Variants in WDR70 observed in about 807,000 individuals in gnomAD.
WDR70 encodes the protein WD repeat-containing protein 70.
A neutral mutation model predicts 88.6 loss-of-function variants in WDR70; 53 were observed. The observed-to-expected ratio is 0.60, with a 90% CI of 0.48 to 0.75. The LOEUF (loss-of-function observed/expected upper bound fraction) is 0.75. Ranked by LOEUF, WDR70 falls within the 30% of genes least tolerant of loss-of-function variation. The probability of loss-of-function intolerance (pLI) is 0.00; values close to 1 mark genes in which losing one functional copy is unlikely to be tolerated. For missense variants in WDR70, 610 were observed against 823.2 expected (o/e 0.74, Z 3.17); for synonymous variants, 280 against 270.0 (o/e 1.04, Z -0.36).
In WDR70 at chr5:37,649,733, C is replaced by CTTCTTTTTTTT. The variant is rs1384336784; in HGVS notation, c.1092+44497_1092+44498insCTTTTTTTTTT. 2.0e-3 allele frequency among the ~76,000 whole-genome samples: 140 copies of CTTCTTTTTTTT among 68,738 alleles called. 1 individual carries two copies. The highest frequency in any genetic ancestry group is 6.9e-3 in the African/African-American group (108 of 15,614). 45.1% of individuals were successfully genotyped at this position (68,738 alleles called of 152,430 possible). On this transcript the variant is annotated intron_variant, in intron 10 of 17. Transcript: ENST00000265107. The stretch of plus-strand genomic sequence containing the variant: ...ATATACATTCACGATGTTATTACTT[C>CTTCTTTTTTTT]TTTTTTTTTTTTTTTTTTTTTTGAG...
At chr5:37,750,630 G>A (rs1748776984) in intron 17 of WDR70, among the ~76,000 whole-genome samples, 1 of 152,168 alleles carries the variant, frequency 6.6e-6, no homozygotes, top group Non-Finnish European at 1.5e-5. Flanking sequence ...GACCTAGTGG[G>A]AAGTAATTTC....
At chr5:37,441,484 A>C (rs1750651661) in intron 6 of WDR70, among the ~76,000 whole-genome samples, 1 of 152,136 alleles carries the variant, frequency 6.6e-6, no homozygotes, top group South Asian at 2.1e-4. Flanking sequence ...TTTCAAGTCT[A>C]TTTATTAGGA....
intron 9 of WDR70, among the ~76,000 whole-genome samples, chr5:37,530,165 C>T (rs1325073530): frequency 6.6e-6 from 1 of 152,094 alleles, no homozygotes; most frequent in Non-Finnish European, 1.5e-5. Context: ...GTATGAAACC[C>T]ACTTGATCAT....
intron 9 of WDR70, among the ~76,000 whole-genome samples, chr5:37,542,433 C>T (rs1178279657): frequency 1.3e-5 from 2 of 152,008 alleles, no homozygotes; most frequent in African/African-American, 4.8e-5. Context: ...GCATGCACCA[C>T]CATGCCCGGC....
chr5:37,630,974 T>C (rs1744797544), intron 10 of WDR70, among the ~76,000 whole-genome samples: 1 of 152,184 alleles, frequency 6.6e-6, no homozygotes, highest in Non-Finnish European at 1.5e-5. Flanking sequence ...TTTGAAGGAC[T>C]GTAGGCATTT....
At chr5:37,482,852 T>C (rs1328020195) in intron 8 of WDR70, among the ~76,000 whole-genome samples, 1 of 152,114 alleles carries the variant, frequency 6.6e-6, no homozygotes, top group Non-Finnish European at 1.5e-5. Flanking sequence ...GGAAACATTC[T>C]ACTTAGCTAA....
At chr5:37,396,186 T>G (rs1410221550) in intron 4 of WDR70, among the ~76,000 whole-genome samples, 189 bp from the exon 5 acceptor site, 2 of 3,562 alleles carry the variant, frequency 5.6e-4, no homozygotes, top group African/African-American at 6.5e-4. Flanking sequence ...CGTAAGACGG[T>G]TTTTTTTAAC....
chr5:37,461,429 T>C (rs971208370), intron 7 of WDR70, among the ~76,000 whole-genome samples: 1 of 152,062 alleles, frequency 6.6e-6, no homozygotes, highest in African/African-American at 2.4e-5. Context: ...GTAATCCTTG[T>C]GTGTGTGTTG....
intron 10 of WDR70, among the ~76,000 whole-genome samples, chr5:37,641,658 C>T (rs1014818233): frequency 1.3e-5 from 2 of 152,040 alleles, no homozygotes; most frequent in African/African-American, 4.8e-5. Context: ...CTTAGGTGAT[C>T]TGTTTGCCTC....
intron 5 of WDR70, among the ~76,000 whole-genome samples, chr5:37,403,961 G>C (rs551546345): frequency 9.6e-4 from 146 of 152,152 alleles, no homozygotes; most frequent in Middle Eastern, 3.4e-3. Flanking sequence ...GTGTGGCCTT[G>C]AACTCTTGGC....
intron 10 of WDR70, among the ~76,000 whole-genome samples, chr5:37,678,078 T>A (rs1194254685): frequency 2.0e-5 from 3 of 152,162 alleles, no homozygotes; most frequent in Non-Finnish European, 4.4e-5. Flanking sequence ...GTTTTCCATT[T>A]GCTTGGTAGA....
chr5:37,748,079 A>G (rs887799987), intron 17 of WDR70, among the ~76,000 whole-genome samples: 1 of 152,232 alleles, frequency 6.6e-6, no homozygotes, highest in African/African-American at 2.4e-5. Flanking sequence ...TAATTTATAG[A>G]TTCAATGCTA....
intron 8 of WDR70, among the ~76,000 whole-genome samples, chr5:37,504,068 A>G (rs79834789): frequency 0.17 from 25,148 of 152,108 alleles, 2,205 homozygotes; most frequent in South Asian, 0.27. Flanking sequence ...TTCTGGATTC[A>G]GGGCTGTCAT....
chr5:37,516,781 G>A (rs1207303278), intron 9 of WDR70, among the ~76,000 whole-genome samples, 191 bp downstream of exon 9: 1 of 148,954 alleles, frequency 6.7e-6, no homozygotes, highest in South Asian at 2.1e-4. Context: ...GAGTGCAGTG[G>A]TACGATCTTG....
chr5:37,421,933 G>T (rs1429454361), intron 5 of WDR70, among the ~76,000 whole-genome samples: 1 of 151,700 alleles, frequency 6.6e-6, no homozygotes, highest in East Asian at 1.9e-4. Context: ...CTTCTCCTTG[G>T]GGTGGGAGTG....
intron 10 of WDR70, among the ~76,000 whole-genome samples, chr5:37,663,237 G>A (rs1336974826): frequency 3.9e-5 from 6 of 152,148 alleles, no homozygotes; most frequent in Non-Finnish European, 8.8e-5. Flanking sequence ...GCATTATACT[G>A]ACTGCGGTTT....
chr5:37,624,165 TTTTG>T (rs1173788007), intron 10 of WDR70, among the ~76,000 whole-genome samples: 2 of 152,216 alleles, frequency 1.3e-5, no homozygotes, highest in Non-Finnish European at 2.9e-5. Flanking sequence ...CTAGCTATAA[TTTTG>T]TTTATCTGTT....
intron 9 of WDR70, among the ~76,000 whole-genome samples, chr5:37,556,908 G>T (rs1742307696): frequency 6.6e-6 from 1 of 152,162 alleles, no homozygotes. Flanking sequence ...TAAATAACTA[G>T]GTTGAGCCTC....
chr5:37,656,779 T>C (rs971954061), intron 10 of WDR70, among the ~76,000 whole-genome samples: 8 of 152,166 alleles, frequency 5.3e-5, no homozygotes, highest in African/African-American at 1.4e-4. Context: ...GCCTCAATAA[T>C]GGAGGATGCC....
Sources: allele counts gnomAD v4.1 joint callset (sites outside exome capture counted in the v4.1 genomes callset), GRCh38; gene constraint gnomAD v4.1.1; transcripts MANE v1.5; gene names NCBI Gene and HGNC (gene_info 2026-07-23, HGNC 2026-07-21).